Variants in PTPRQ observed in about 807,000 individuals in gnomAD.
PTPRQ encodes protein tyrosine phosphatase receptor type Q.
Under a neutral mutation model 246.0 loss-of-function variants are expected in PTPRQ, and 199 were observed. The ratio of observed to expected loss-of-function variants is 0.81; its 90% confidence interval spans 0.72 to 0.91. The LOEUF is 0.91. Among genes scored for constraint, PTPRQ ranks in the 40% least tolerant of loss-of-function variants. PTPRQ has a pLI of 0.00. For synonymous variants in PTPRQ, 869 were observed against 853.2 expected (o/e 1.02, Z -0.32); for missense variants, 2,624 against 2,528.4 (o/e 1.04, Z -0.81).
At chr12:80,626,760 T>C (rs745837301) in intron 33 of PTPRQ, among the ~76,000 whole-genome samples, 4 of 152,172 alleles carry the variant, frequency 2.6e-5, no homozygotes, top group Non-Finnish European at 5.9e-5. Flanking sequence ...ATGGGTGATG[T>C]TTCTGCTCCC....
chr12:80,450,523 A>G (rs1892723233), intron 3 of PTPRQ, among the ~76,000 whole-genome samples: 1 of 151,980 alleles, frequency 6.6e-6, no homozygotes, highest in African/African-American at 2.4e-5. Context: ...TTTGTCATAG[A>G]TAGCTCTTAT....
chr12:80,649,614 A>G lies in PTPRQ; in HGVS notation c.5969A>G (p.Gln1990Arg), dbSNP rs528841670. 6.5e-7 allele frequency: 1 copy of G among 1,550,008 alleles called. No homozygotes were observed. The highest frequency in any genetic ancestry group is 2.4e-5 in the East Asian group (1 of 40,866). ...IKPISKKSFL[Q>R]HVEELCTNNN... is the part of the protein sequence containing the mutation. Reference sequence around the variant, plus strand: ...CCAATAAGCAAGAAATCCTTCCTGCAACATGTTGAAGAGCTTTGCACAAAC... The same window carrying G: ...CCAATAAGCAAGAAATCCTTCCTGCGACATGTTGAAGAGCTTTGCACAAAC... Residue 1990 changes from glutamine (Q) to arginine (R), a missense_variant, in exon 37 of 45, where the codon CAA becomes CGA. Physicochemically the swap from Gln to Arg is conservative, Grantham distance 43 (BLOSUM62 1). Transcript: ENST00000644991.
intron 39 of PTPRQ, among the ~76,000 whole-genome samples, chr12:80,665,664 A>G (rs1900763183): frequency 6.6e-6 from 1 of 152,084 alleles, no homozygotes; most frequent in Non-Finnish European, 1.5e-5. Context: ...TGAATAGACA[A>G]TCTGCAAAAT....
intron 35 of PTPRQ, among the ~76,000 whole-genome samples, chr12:80,642,598 G>T (rs1342794714): frequency 1.3e-5 from 2 of 152,144 alleles, no homozygotes; most frequent in Non-Finnish European, 2.9e-5. Flanking sequence ...CATCTAAAAG[G>T]CCATTTCATC....
chr12:80,450,718 G>T (rs1892733001), intron 3 of PTPRQ, among the ~76,000 whole-genome samples: 1 of 152,190 alleles, frequency 6.6e-6, no homozygotes, highest in Non-Finnish European at 1.5e-5. Context: ...TTGCATCCCA[G>T]GGATGAAGCC....
Position 80,541,638 on chromosome 12 carries a change from C to T in PTPRQ, c.3238C>T (p.Pro1080Ser). The T allele has an allele frequency of 1.3e-6, 2 of 1,549,572 alleles. No homozygotes were observed. The highest frequency in any genetic ancestry group is 1.7e-6 in the Non-Finnish European group (2 of 1,145,936). Residue 1080 changes from proline to serine, a missense_variant, in exon 21 of 45, where the codon CCA (proline) becomes TCA (serine). By Grantham distance (74) the Pro-to-Ser change is moderately conservative. Coordinates refer to ENST00000644991, the MANE Select transcript of PTPRQ (RefSeq NM_001145026.2). ...INVSWVPPAQ[P>S]NGLVFYYVSL... ...TGTAAGCTGGGTCCCACCGGCTCAACCAAACGGTCTAGTCTTCTACTATGT... is the reference window on the plus strand; with the variant it reads ...TGTAAGCTGGGTCCCACCGGCTCAATCAAACGGTCTAGTCTTCTACTATGT...
At chr12:80,545,081 C>G (rs1185076766) in intron 23 of PTPRQ, among the ~76,000 whole-genome samples, 1 of 152,116 alleles carries the variant, frequency 6.6e-6, no homozygotes, top group Non-Finnish European at 1.5e-5. Flanking sequence ...ATTATGCCCT[C>G]TTGGGTTCAG....
chr12:80,582,135 T>C (rs1252458757), intron 25 of PTPRQ, among the ~76,000 whole-genome samples: 3 of 152,206 alleles, frequency 2.0e-5, no homozygotes, highest in Non-Finnish European at 4.4e-5. Context: ...CAGCTTAATA[T>C]CATTTCATAG....
chr12:80,574,822 C>A (rs1457085369), intron 25 of PTPRQ, among the ~76,000 whole-genome samples: 1 of 152,098 alleles, frequency 6.6e-6, no homozygotes, highest in Non-Finnish European at 1.5e-5. Flanking sequence ...CTCGGTTTTT[C>A]AGCTGTCTTT....
intron 6 of PTPRQ, among the ~76,000 whole-genome samples, chr12:80,465,913 A>C (rs1893388045): frequency 6.6e-6 from 1 of 152,194 alleles, no homozygotes; most frequent in Non-Finnish European, 1.5e-5. Flanking sequence ...TGAATGGGCA[A>C]AAACTGGAAG....
chr12:80,550,634 G>T (rs1439988575), intron 25 of PTPRQ, among the ~76,000 whole-genome samples: 1 of 152,044 alleles, frequency 6.6e-6, no homozygotes, highest in Non-Finnish European at 1.5e-5. Context: ...TTACCCTCCA[G>T]GAAGCTTCCT....
chr12:80,473,778 A>C (rs973596053), intron 8 of PTPRQ, among the ~76,000 whole-genome samples: 4 of 152,214 alleles, frequency 2.6e-5, no homozygotes, highest in African/African-American at 9.6e-5. Flanking sequence ...TTCAGGTCAT[A>C]GTTCAGTATA....
intron 17 of PTPRQ, among the ~76,000 whole-genome samples, chr12:80,520,474 A>G (rs186026992): frequency 4.3e-4 from 65 of 151,606 alleles, no homozygotes; most frequent in Non-Finnish European, 2.5e-4. Context: ...CTCACCATTT[A>G]ACATTAGGTG....
chr12:80,601,587 G>A (rs1898145459), intron 26 of PTPRQ, among the ~76,000 whole-genome samples: 1 of 151,790 alleles, frequency 6.6e-6, no homozygotes, highest in Non-Finnish European at 1.5e-5. Context: ...CACTTGAAAT[G>A]TGTGGCCGAT....
intron 33 of PTPRQ, among the ~76,000 whole-genome samples, chr12:80,622,670 G>A (rs185537004): frequency 1.5e-4 from 23 of 152,134 alleles, no homozygotes; most frequent in Middle Eastern, 3.4e-3. Context: ...CAACATTACA[G>A]AACAGGATTT....
intron 26 of PTPRQ, among the ~76,000 whole-genome samples, chr12:80,590,384 T>A (rs1897753649): frequency 6.6e-6 from 1 of 152,030 alleles, no homozygotes; most frequent in Non-Finnish European, 1.5e-5. Flanking sequence ...AACTATCCAA[T>A]GGGCTGGGCG....
intron 17 of PTPRQ, among the ~76,000 whole-genome samples, chr12:80,515,082 G>T (rs958477301): frequency 5.9e-5 from 9 of 152,016 alleles, no homozygotes; most frequent in African/African-American, 1.9e-4. Flanking sequence ...GCCCTGTAAG[G>T]TATAGTAAGT....
intron 34 of PTPRQ, among the ~76,000 whole-genome samples, chr12:80,633,517 C>T (rs1409595579): frequency 6.6e-6 from 1 of 152,186 alleles, no homozygotes; most frequent in Non-Finnish European, 1.5e-5. Flanking sequence ...AGGGACCTTA[C>T]ATTTGTAAAG....
At chr12:80,617,280 T>C (rs549756707) in intron 30 of PTPRQ, among the ~76,000 whole-genome samples, 2 of 151,362 alleles carry the variant, frequency 1.3e-5, no homozygotes, top group South Asian at 4.2e-4. Flanking sequence ...TTAAGACCCC[T>C]GCCTGGAAAC....
Sources: allele counts gnomAD v4.1 joint callset (sites outside exome capture counted in the v4.1 genomes callset), GRCh38; gene constraint gnomAD v4.1.1; transcripts MANE v1.5; gene names NCBI Gene and HGNC (gene_info 2026-07-23, HGNC 2026-07-21).